NIPAL1: variants seen among roughly 807,000 people sequenced by gnomAD.
NIPAL1 encodes NIPA like domain containing 1.
NIPAL1 carries 35 observed loss-of-function variants against 37.7 expected under a neutral mutation model. The ratio of observed to expected loss-of-function variants is 0.93; its 90% CI spans 0.71 to 1.23. NIPAL1 has a LOEUF of 1.23. NIPAL1 is among the 50% of genes most tolerant of loss of function. NIPAL1 has a pLI of 0.00. For synonymous variants in NIPAL1, 162 were observed against 183.0 expected, an observed-to-expected ratio of 0.89 and a Z score of 0.93; for missense variants, 412 against 473.9, an observed-to-expected ratio of 0.87 and a Z score of 1.21.
rs972202934 is a variant in NIPAL1, at chr4:48,027,876, T to C, written c.314-2244T>C. 2.6e-5 allele frequency among the ~76,000 whole-genome samples: 4 copies of C among 152,206 alleles called. No homozygotes were observed. Among genetic ancestry groups the C allele is most frequent in the Non-Finnish European group, 5.9e-5 (4 of 68,030 alleles). ...TTCTCTCATTGACTAATCCAAACTCTCAAAAGCTCTTATGTCAACCATCTT... is the reference window on the plus strand; with the variant it reads ...TTCTCTCATTGACTAATCCAAACTCCCAAAAGCTCTTATGTCAACCATCTT... On this transcript the variant is annotated intron_variant, in intron 2 of 5. Transcript: ENST00000295461. The surrounding 1 kb of genome is among the most constrained non-coding windows in gnomAD (Gnocchi z 4.1).
intron 1 of NIPAL1, among the ~76,000 whole-genome samples, chr4:48,021,947 A>G (rs1203587223): frequency 6.6e-6 from 1 of 151,978 alleles, no homozygotes; most frequent in Non-Finnish European, 1.5e-5. Flanking sequence ...CTCTATTTAG[A>G]AAAATAACAT....
intron 2 of NIPAL1, 101 bp from the exon 3 acceptor site, chr4:48,030,019 T>G (rs1715785182): frequency 1.6e-6 from 1 of 643,756 alleles, no homozygotes; most frequent in Non-Finnish European, 2.8e-6. Context: ...CTGACTTAAC[T>G]TTTCTAACCA....
At chr4:48,030,083 AC>A (rs1228430152) in intron 2 of NIPAL1, 36 bp from the exon 3 acceptor site, 1 of 1,284,872 alleles carries the variant, frequency 7.8e-7, no homozygotes, top group Non-Finnish European at 1.1e-6. Flanking sequence ...CCAGTGTAGA[AC>A]CCATTTTTTG....
At chr4:48,017,303 T>TG (rs1715445287) in intron 1 of NIPAL1, among the ~76,000 whole-genome samples, 1 of 152,118 alleles carries the variant, frequency 6.6e-6, no homozygotes, top group African/African-American at 2.4e-5. Context: ...CGTGTCTGCC[T>TG]GGGGGGCCCG....
rs745855577 is a variant in NIPAL1, at chr4:48,036,133, C to T, written c.1194C>T (p.Tyr398=). The T allele has an allele frequency of 6.2e-7, 1 of 1,608,404 alleles. No homozygotes were observed. Among genetic ancestry groups the T allele is most frequent in the South Asian group, 1.1e-5 (1 of 89,714 alleles). ...ACTTGGAGTGTTCAGCCCCAGGATA[C>T]AATGATGACGTTACCTTGTTTAGTA... is the stretch of plus-strand genomic sequence containing the variant. ...LENLECSAPG[Y]NDDVTLFSRT... The change falls in exon 6 of 6, where the codon TAC becomes TAT. Residue 398 remains tyrosine (Y), a synonymous_variant. Coordinates refer to ENST00000295461, the MANE Select transcript of NIPAL1 (RefSeq NM_207330.3).
chr4:48,017,198 A>G (rs1715440645), intron 1 of NIPAL1, among the ~76,000 whole-genome samples: 2 of 152,208 alleles, frequency 1.3e-5, no homozygotes, highest in South Asian at 2.1e-4. Flanking sequence ...TCAGGATGCT[A>G]TGGGAAGAAT....
chr4:48,017,305 G>A (rs1715445371), intron 1 of NIPAL1, among the ~76,000 whole-genome samples: 1 of 152,168 alleles, frequency 6.6e-6, no homozygotes, highest in Admixed American at 6.5e-5. Context: ...TGTCTGCCTG[G>A]GGGGCCCGTG....
In NIPAL1 at chr4:48,033,116, G is replaced by C. The variant is rs756249098; in HGVS notation, c.461+33G>C. The C allele has an allele frequency of 5.9e-5, 78 of 1,315,180 alleles. 1 individual carries two copies. The Admixed American group carries it at 1.3e-3, about 22-fold the overall frequency. The allele number at this position is 1,315,180 out of a possible 1,614,324, so 81.5% of individuals were successfully genotyped here. A position where few individuals can be genotyped will look rare whatever the true frequency, so the allele number is the denominator to read the frequency against. ...AGCAACAGGGAACTTGGCTTCTGTAGGTATTTTAAGACCAAGATAAACTTA... is the reference window on the plus strand; with the variant it reads ...AGCAACAGGGAACTTGGCTTCTGTACGTATTTTAAGACCAAGATAAACTTA... On this transcript the variant is annotated intron_variant, in intron 4 of 5. Transcript: ENST00000295461.
chr4:48,030,085 C>A, intron 2 of NIPAL1, 35 bp from the exon 3 acceptor site: 2 of 1,317,734 alleles, frequency 1.5e-6, no homozygotes, highest in Non-Finnish European at 2.2e-6. Context: ...AGTGTAGAAC[C>A]CATTTTTTGT....
Position 48,037,446 on chromosome 4 carries a change from T to C in NIPAL1, c.*1274T>C, listed in dbSNP as rs1715979369. The C allele has an allele frequency of 4.7e-6, 1 of 213,036 alleles. No homozygotes were observed. The highest frequency in any genetic ancestry group is 9.7e-6 in the Non-Finnish European group (1 of 103,232). The allele number at this position is 213,036 out of a possible 1,614,324, so 13.2% of individuals were successfully genotyped here. ...TGATATAGAGATTTTTGTAAAAGAT[T>C]GCTACATTATTTCAGGATTATATCC... On this transcript the variant is annotated 3_prime_UTR_variant, in exon 6 of 6. Coordinates refer to ENST00000295461, the MANE Select transcript of NIPAL1 (RefSeq NM_207330.3).
chr4:48,034,617 A>T (rs1223505279), intron 4 of NIPAL1, among the ~76,000 whole-genome samples: 1 of 152,250 alleles, frequency 6.6e-6, no homozygotes, highest in Non-Finnish European at 1.5e-5. Flanking sequence ...ATTGAAAATG[A>T]CTTGAGTAGA....
intron 1 of NIPAL1, among the ~76,000 whole-genome samples, chr4:48,024,009 T>G (rs955063436): frequency 6.7e-6 from 1 of 148,894 alleles, no homozygotes; most frequent in Admixed American, 6.8e-5. Flanking sequence ...ATAGTCTCGT[T>G]CTGTCACCCA....
At chr4:48,029,374 G>A (rs888037580) in intron 2 of NIPAL1, among the ~76,000 whole-genome samples, 5 of 152,046 alleles carry the variant, frequency 3.3e-5, no homozygotes, top group African/African-American at 1.2e-4. Context: ...CTAAACCATG[G>A]GTACACATGC....
rs1021758483 is a variant in NIPAL1 at position 48,037,111 on chromosome 4, T to C, written c.*939T>C. The C allele has an allele frequency of 6.6e-5, 12 of 182,894 alleles. No individual in the cohort carries two copies. The Admixed American group carries it at 6.6e-4, about 10-fold the overall frequency. 11.3% of individuals were successfully genotyped at this position (182,894 alleles called of 1,614,324 possible). ...TGCTTTATTTGTTAGTGGGCTAGAA[T>C]ACACAAGACATACCCACCCATGAAG... On this transcript the variant is annotated 3_prime_UTR_variant, in exon 6 of 6. Transcript: ENST00000295461.
At chr4:48,023,235 G>A (rs900933513) in intron 1 of NIPAL1, among the ~76,000 whole-genome samples, 11 of 152,020 alleles carry the variant, frequency 7.2e-5, no homozygotes, top group Non-Finnish European at 1.3e-4. Flanking sequence ...AACAAAGTTG[G>A]ATCATTTTCA....
chr4:48,032,490 A>G (rs907401854), intron 3 of NIPAL1, among the ~76,000 whole-genome samples: 1 of 152,194 alleles, frequency 6.6e-6, no homozygotes, highest in Admixed American at 6.5e-5. Context: ...CTTATAGATC[A>G]CTTACAATAG....
intron 3 of NIPAL1, among the ~76,000 whole-genome samples, chr4:48,032,431 T>C (rs1451814957): frequency 6.6e-6 from 1 of 152,226 alleles, no homozygotes; most frequent in Non-Finnish European, 1.5e-5. Context: ...TATCATGACT[T>C]TAAAACAGCT....
At chr4:48,018,377 CATT>C (rs1715497871) in intron 1 of NIPAL1, among the ~76,000 whole-genome samples, 1 of 152,188 alleles carries the variant, frequency 6.6e-6, no homozygotes, top group Non-Finnish European at 1.5e-5. Flanking sequence ...CAACAAGAAA[CATT>C]TAAGCTCCAG....
intron 2 of NIPAL1, among the ~76,000 whole-genome samples, chr4:48,028,555 A>G (rs575517615): frequency 1.3e-5 from 2 of 152,294 alleles, no homozygotes; most frequent in South Asian, 4.1e-4. Flanking sequence ...GAAATGCAAC[A>G]AAAACAAAAA....
Sources: allele counts gnomAD v4.1 joint callset (sites outside exome capture counted in the v4.1 genomes callset), GRCh38; gene constraint gnomAD v4.1.1; non-coding constraint Gnocchi (gnomAD v3.1); transcripts MANE v1.5; gene names NCBI Gene and HGNC (gene_info 2026-07-23, HGNC 2026-07-21).